ACOT12: variants seen among roughly 807,000 people sequenced by gnomAD.
ACOT12 encodes acetyl-coenzyme A thioesterase.
Under a neutral mutation model 67.7 loss-of-function variants are expected in ACOT12, and 51 were observed. The observed-to-expected ratio is 0.75, with a 90% CI of 0.60 to 0.95. The LOEUF is 0.95. Among genes scored for constraint, ACOT12 ranks in the 40% least tolerant of loss-of-function variants. The probability of loss-of-function intolerance (pLI) is 0.00; values close to 1 mark genes in which losing one functional copy is unlikely to be tolerated. For missense variants in ACOT12, 734 were observed against 708.1 expected, an observed-to-expected ratio of 1.04 and a Z score of -0.41; for synonymous variants, 251 against 244.6, an observed-to-expected ratio of 1.03 and a Z score of -0.24.
chr5:81,372,249 G>C (rs780395500), intron 2 of ACOT12, among the ~76,000 whole-genome samples: 1 of 152,304 alleles, frequency 6.6e-6, no homozygotes, highest in Non-Finnish European at 1.5e-5. Flanking sequence ...CAGTAGGTTT[G>C]TATGGGCCCT....
chr5:81,345,526 T>C (rs112447819), intron 7 of ACOT12, among the ~76,000 whole-genome samples: 2,798 of 152,144 alleles, frequency 0.018, 41 homozygotes, highest in Non-Finnish European at 0.026. Flanking sequence ...TGGGAAGTGG[T>C]TTGGATTTCA....
chr5:81,311,381 T>C, the ACOT12 span: 22 of 1,186,462 alleles, frequency 1.9e-5, no homozygotes, highest in Non-Finnish European at 2.7e-5. Context: ...CTAATGATTT[T>C]AAGACAACCT....
At chr5:81,351,376 A>C (rs939953238) in intron 5 of ACOT12, among the ~76,000 whole-genome samples, 1 of 152,206 alleles carries the variant, frequency 6.6e-6, no homozygotes, top group Non-Finnish European at 1.5e-5. Flanking sequence ...GTAGTAAGCA[A>C]AACAGCCAGG....
chr5:81,326,117 CTTTTTT>C (rs1199895738), downstream of ACOT12, among the ~76,000 whole-genome samples: 1 of 77,032 alleles, frequency 1.3e-5, no homozygotes, highest in Admixed American at 2.0e-4. Context: ...CCCTGAGATT[CTTTTTT>C]TTTTTTTTTT....
At chr5:81,315,214 A>T in the ACOT12 span, among the ~76,000 whole-genome samples, 1 of 152,084 alleles carries the variant, frequency 6.6e-6, no homozygotes, top group Non-Finnish European at 1.5e-5. Flanking sequence ...CTGGGGAAAA[A>T]GTGAGTTTAC....
chr5:81,363,516 C>T (rs940673573), intron 4 of ACOT12, among the ~76,000 whole-genome samples: 3 of 152,086 alleles, frequency 2.0e-5, no homozygotes, highest in Non-Finnish European at 4.4e-5. Flanking sequence ...ACCAATATGA[C>T]CTTCAGATCA....
At position 81,335,792 on chromosome 5, in the gene ACOT12, C is replaced by T. The variant is rs772051643; in HGVS notation, c.1238G>A (p.Arg413Gln). ...CACAAAATGGGGGTCCCACAAAGGTCGCTTTGTAAAGTCAGACAAGAGACG... is the reference window on the plus strand; with the variant it reads ...CACAAAATGGGGGTCCCACAAAGGTTGCTTTGTAAAGTCAGACAAGAGACG... Reference protein sequence around the residue: ...AYRLLSDFTKRPLWDPHFVSC... With the variant: ...AYRLLSDFTKQPLWDPHFVSC... The change falls in exon 12 of 15, where the codon CGA (arginine) becomes CAA (glutamine). Residue 413 changes from arginine (R) to glutamine (Q), a missense_variant. Coordinates refer to ENST00000307624, the MANE Select transcript of ACOT12 (RefSeq NM_130767.3). 2.5e-5 allele frequency: 40 copies of T among 1,611,478 alleles called. No individual in the cohort carries two copies. In the Middle Eastern group the frequency reaches 4.9e-4, roughly 20 times the overall value.
At chr5:81,344,767 G>GA in intron 8 of ACOT12, 124 bp downstream of exon 8, 1 of 1,222,508 alleles carries the variant, frequency 8.2e-7, no homozygotes, top group Non-Finnish European at 1.2e-6. Context: ...TTCACTTTGT[G>GA]ATGCTGAAAA....
Position 81,386,947 on chromosome 5 carries a change from A to G in ACOT12, c.128-1121T>C, listed in dbSNP as rs187973069. 5.9e-3 allele frequency among the ~76,000 whole-genome samples: 871 copies of G among 147,270 alleles called. 10 individuals carry two copies. Among genetic ancestry groups the G allele is most frequent in the African/African-American group, 0.021 (828 of 39,270 alleles). ...CTCAACTTAATTCAATGCACCAAAC[A>G]TTTGTTAAGTTCTTGCTGATTTCCA... On this transcript the variant is annotated intron_variant, in intron 1 of 14. Transcript: ENST00000307624.
At chr5:81,329,623 C>T (rs1561317384), downstream of ACOT12, among the ~76,000 whole-genome samples, 1 of 152,178 alleles carries the variant, frequency 6.6e-6, no homozygotes, top group Non-Finnish European at 1.5e-5. Context: ...GCTAGCTTGC[C>T]ATATTCTGGC....
chr5:81,394,076 TTG>T lies in ACOT12; in HGVS notation c.37_38del (p.Gln13SerfsTer31). ...RPAPGEVVMS[Q>X]AIQPAHATAR... ...CAGTGGCGTGCGCCGGCTGGATGGC[TTG>T]GCTCATGACCACCTCGCCGGGCGCC... On this transcript the variant is annotated frameshift_variant, in exon 1 of 15. Coordinates refer to ENST00000307624, the MANE Select transcript of ACOT12 (RefSeq NM_130767.3). LOFTEE classifies it high-confidence loss of function. 1 of 1,471,992 alleles carries T rather than the reference TTG, an allele frequency of 6.8e-7. No homozygotes were observed. The highest frequency in any genetic ancestry group is 8.9e-7 in the Non-Finnish European group (1 of 1,118,348). 91.2% of individuals were successfully genotyped at this position (1,471,992 alleles called of 1,614,324 possible).
intron 3 of ACOT12, among the ~76,000 whole-genome samples, chr5:81,368,222 G>A (rs1381011647): frequency 6.6e-6 from 1 of 152,094 alleles, no homozygotes; most frequent in African/African-American, 2.4e-5. Flanking sequence ...AACCCGGGAG[G>A]CGGAGCTTGC....
At chr5:81,354,950 C>A (rs180718220) in intron 5 of ACOT12, among the ~76,000 whole-genome samples, 1 of 152,254 alleles carries the variant, frequency 6.6e-6, no homozygotes, top group East Asian at 1.9e-4. Context: ...CCTCAGCCTC[C>A]CAAAGTGCTG....
downstream of ACOT12, among the ~76,000 whole-genome samples, chr5:81,328,038 G>T (rs115782032): frequency 1.3e-5 from 2 of 152,044 alleles, no homozygotes; most frequent in African/African-American, 4.8e-5. Flanking sequence ...ATTTTCTCTC[G>T]CTCTGTTGAA....
downstream of ACOT12, among the ~76,000 whole-genome samples, chr5:81,329,498 A>T (rs1758750625): frequency 6.6e-6 from 1 of 152,180 alleles, no homozygotes; most frequent in Admixed American, 6.6e-5. Flanking sequence ...GAGGGTTGGT[A>T]GGGGGAGCAG....
At chr5:81,358,456 G>A (rs1041693262) in intron 5 of ACOT12, among the ~76,000 whole-genome samples, 2 of 152,188 alleles carry the variant, frequency 1.3e-5, no homozygotes, top group African/African-American at 2.4e-5. Flanking sequence ...TGAGCAACAT[G>A]CATTTGAAAT....
intron 5 of ACOT12, among the ~76,000 whole-genome samples, chr5:81,356,371 C>T (rs1759715242): frequency 6.6e-6 from 1 of 152,158 alleles, no homozygotes; most frequent in Non-Finnish European, 1.5e-5. Context: ...TCCCTGCACC[C>T]CTCTGATTAG....
chr5:81,308,680 C>A, the ACOT12 span: 2 of 1,613,000 alleles, frequency 1.2e-6, no homozygotes, highest in African/African-American at 2.7e-5. Flanking sequence ...ACGAAATAAC[C>A]AAGTGTAAGG....
At chr5:81,335,507 G>T (rs1435266413) in intron 12 of ACOT12, among the ~76,000 whole-genome samples, 1 of 152,114 alleles carries the variant, frequency 6.6e-6, no homozygotes, top group African/African-American at 2.4e-5. Flanking sequence ...TAGGATTACA[G>T]GCATGCACCA....
Sources: allele counts gnomAD v4.1 joint callset (sites outside exome capture counted in the v4.1 genomes callset), GRCh38; gene constraint gnomAD v4.1.1; transcripts MANE v1.5; gene names NCBI Gene and HGNC (gene_info 2026-07-23, HGNC 2026-07-21).